CCDC171: variants seen among roughly 807,000 people sequenced by gnomAD.
CCDC171 encodes coiled-coil domain containing 171, also known as coiled-coil domain-containing protein 171.
A neutral mutation model predicts 168.2 loss-of-function variants in CCDC171; 177 were observed. The ratio of observed to expected loss-of-function variants is 1.05; its 90% confidence interval spans 0.93 to 1.19. CCDC171 has a LOEUF of 1.19. CCDC171 is among the 50% of genes most tolerant of loss of function. CCDC171 has a pLI of 0.00. For missense variants in CCDC171, 1,991 were observed against 1,539.0 expected (o/e 1.29, Z -4.91); for synonymous variants, 687 against 540.8 (o/e 1.27, Z -3.75).
chr9:15,947,002 G>C (rs1306210932), intron 25 of CCDC171, among the ~76,000 whole-genome samples: 1 of 151,838 alleles, frequency 6.6e-6, no homozygotes, highest in East Asian at 2.0e-4. Flanking sequence ...CAGTTTTATT[G>C]TATCATAAGA....
intron 3 of CCDC171, among the ~76,000 whole-genome samples, chr9:16,005,130 A>G (rs771719465): frequency 6.6e-6 from 1 of 152,228 alleles, no homozygotes; most frequent in Non-Finnish European, 1.5e-5. Context: ...CTTTCTTATC[A>G]ACCCGAAAAG....
intron 7 of CCDC171, among the ~76,000 whole-genome samples, chr9:15,633,288 A>G (rs1186356922): frequency 6.6e-6 from 1 of 152,238 alleles, no homozygotes; most frequent in African/African-American, 2.4e-5. Context: ...CAAAGGGCTA[A>G]TATCCAGAAT....
At chr9:15,872,457 C>T (rs1214545297) in intron 23 of CCDC171, among the ~76,000 whole-genome samples, 3 of 152,014 alleles carry the variant, frequency 2.0e-5, no homozygotes, top group South Asian at 4.2e-4. Context: ...CTCCAGTGCT[C>T]GAACTGTGTT....
rs181061776 is a variant in CCDC171, at chr9:15,887,240, A to G, written c.3600+12577A>G. On this transcript the variant is annotated intron_variant, in intron 24 of 25. Coordinates refer to ENST00000380701, the MANE Select transcript of CCDC171 (RefSeq NM_173550.4). Reference sequence around the variant, plus strand: ...ACATTATATCCCTTAAATATATACAAACTTTATTTGTCAAAAAAATATTTC... The same window carrying G: ...ACATTATATCCCTTAAATATATACAGACTTTATTTGTCAAAAAAATATTTC... Among the ~76,000 whole-genome samples, 1,050 of 152,298 alleles carry G rather than the reference A, an allele frequency of 6.9e-3. 9 individuals are homozygous for G. Among genetic ancestry groups the G allele is most frequent in the Non-Finnish European group, 0.011 (739 of 68,018 alleles).
chr9:15,906,022 C>G (rs991046995), intron 24 of CCDC171, among the ~76,000 whole-genome samples: 3 of 152,132 alleles, frequency 2.0e-5, no homozygotes, highest in Admixed American at 6.5e-5. Context: ...GAAATTGAGG[C>G]AATAATTATT....
At chr9:15,636,432 A>G (rs75333185) in intron 7 of CCDC171, among the ~76,000 whole-genome samples, 3,436 of 152,210 alleles carry the variant, frequency 0.023, 79 homozygotes, top group Non-Finnish European at 0.031. Flanking sequence ...TTTTAATACT[A>G]TGGTTTGTAG....
At chr9:15,928,800 C>T (rs1564015105) in intron 25 of CCDC171, among the ~76,000 whole-genome samples, 1 of 151,470 alleles carries the variant, frequency 6.6e-6, no homozygotes, top group African/African-American at 2.4e-5. Flanking sequence ...TTTTTTGATC[C>T]TTGGCATATA....
At chr9:15,993,900 C>A (rs1433338855) in intron 3 of CCDC171, among the ~76,000 whole-genome samples, 3 of 152,144 alleles carry the variant, frequency 2.0e-5, no homozygotes, top group African/African-American at 7.2e-5. Flanking sequence ...CCATCTTACA[C>A]CAGTTAGAAT....
Position 15,617,404 on chromosome 9 carries a change from T to C in CCDC171, c.676-5863T>C, listed in dbSNP as rs13299844. ...GTTTTTTTTTTTTTTTGAGATGGAG[T>C]CTTGCGCTGTCACCCAGGCTGGAAT... On this transcript the variant is annotated intron_variant, in intron 6 of 25. Coordinates refer to ENST00000380701, the MANE Select transcript of CCDC171 (RefSeq NM_173550.4). 6.6e-3 allele frequency among the ~76,000 whole-genome samples: 949 copies of C among 143,968 alleles called. 5 individuals are homozygous for C. Among genetic ancestry groups the C allele is most frequent in the Non-Finnish European group, 9.7e-3 (639 of 66,078 alleles). The allele number at this position is 143,968 out of a possible 152,430, so 94.4% of individuals were successfully genotyped here. A position where few individuals can be genotyped will look rare whatever the true frequency, so the allele number is the denominator to read the frequency against.
intron 8 of CCDC171, among the ~76,000 whole-genome samples, chr9:15,660,250 A>G (rs1358036616): frequency 1.3e-5 from 2 of 152,212 alleles, no homozygotes; most frequent in African/African-American, 4.8e-5. Flanking sequence ...AGATCAGGTC[A>G]CTAAAGTGGC....
chr9:15,911,626 C>T (rs139798931), intron 24 of CCDC171, among the ~76,000 whole-genome samples: 1 of 152,134 alleles, frequency 6.6e-6, no homozygotes, highest in African/African-American at 2.4e-5. Context: ...TTGCCCATGC[C>T]TATGTCCTGA....
chr9:15,914,706 TCC>T (rs1824245031), intron 24 of CCDC171, among the ~76,000 whole-genome samples: 1 of 151,000 alleles, frequency 6.6e-6, no homozygotes, highest in African/African-American at 2.4e-5. Flanking sequence ...AAAAAAAAAC[TCC>T]TGCAGATAGC....
At chr9:16,064,849 C>T (rs1232526537), downstream of CCDC171, among the ~76,000 whole-genome samples, 3 of 152,168 alleles carry the variant, frequency 2.0e-5, no homozygotes, top group East Asian at 1.9e-4. Flanking sequence ...TATTTGAGAG[C>T]CCTCGAAGTT....
At chr9:15,558,481 A>T (rs542744484) in intron 1 of CCDC171, among the ~76,000 whole-genome samples, 18 of 152,152 alleles carry the variant, frequency 1.2e-4, no homozygotes, top group African/African-American at 4.3e-4. Flanking sequence ...TGTGTCCAGG[A>T]ATTTATCCAT....
intron 16 of CCDC171, among the ~76,000 whole-genome samples, chr9:15,739,965 C>G (rs1432785765): frequency 6.6e-6 from 1 of 152,064 alleles, no homozygotes; most frequent in Non-Finnish European, 1.5e-5. Context: ...TCTCGATCTC[C>G]TGGTCTTGTG....
At chr9:15,962,874 T>C (rs901198741) in intron 25 of CCDC171, among the ~76,000 whole-genome samples, 1 of 151,352 alleles carries the variant, frequency 6.6e-6, no homozygotes, top group African/African-American at 2.4e-5. Context: ...TTTATGCTTA[T>C]TTTAAAATGT....
At chr9:15,644,607 G>T (rs902790380) in intron 7 of CCDC171, among the ~76,000 whole-genome samples, 3 of 152,246 alleles carry the variant, frequency 2.0e-5, no homozygotes, top group African/African-American at 7.2e-5. Context: ...CCCGCACCTG[G>T]CTCGGAGAGT....
intron 6 of CCDC171, among the ~76,000 whole-genome samples, chr9:15,605,724 A>C (rs1177028716): frequency 1.3e-5 from 2 of 151,702 alleles, no homozygotes. Flanking sequence ...TAATTTAGGG[A>C]AATTTAAAAG....
At chr9:15,659,934 C>G (rs1381226709) in intron 8 of CCDC171, among the ~76,000 whole-genome samples, 1 of 152,148 alleles carries the variant, frequency 6.6e-6, no homozygotes, top group Non-Finnish European at 1.5e-5. Flanking sequence ...GATTTGATAT[C>G]TACATCAAAG....
Sources: allele counts gnomAD v4.1 joint callset (sites outside exome capture counted in the v4.1 genomes callset), GRCh38; gene constraint gnomAD v4.1.1; transcripts MANE v1.5; gene names NCBI Gene and HGNC (gene_info 2026-07-23, HGNC 2026-07-21).